The following ATRNL1 variants were observed in gnomAD, a reference collection of about 807,000 sequenced individuals.
ATRNL1 encodes attractin like 1.
ATRNL1 carries 95 observed loss-of-function variants against 182.7 expected under a neutral mutation model. That is an observed-to-expected ratio of 0.52 (90% CI 0.44 to 0.62). The LOEUF is 0.62. Among genes scored for constraint, ATRNL1 ranks in the 20% least tolerant of loss-of-function variants. The pLI, the probability that ATRNL1 is intolerant of heterozygous loss-of-function variation, is 0.00. For missense variants in ATRNL1, 1,471 were observed against 1,679.5 expected, an observed-to-expected ratio of 0.88 and a Z score of 2.17; for synonymous variants, 576 against 568.3, an observed-to-expected ratio of 1.01 and a Z score of -0.19.
intron 21 of ATRNL1, among the ~76,000 whole-genome samples, chr10:115,442,630 A>G (rs1478439919): frequency 6.6e-6 from 1 of 152,066 alleles, no homozygotes; most frequent in Non-Finnish European, 1.5e-5. Context: ...ATCATAAACT[A>G]TCTACAGAAA....
chr10:115,661,079 AT>A (rs1368665584), intron 26 of ATRNL1, among the ~76,000 whole-genome samples: 3 of 151,936 alleles, frequency 2.0e-5, no homozygotes, highest in African/African-American at 2.4e-5. Context: ...CAAAGACTAT[AT>A]TTTTTTTGTA....
At chr10:115,491,504 G>GCTCAGC (rs1251461078) in intron 24 of ATRNL1, among the ~76,000 whole-genome samples, 2 of 152,090 alleles carry the variant, frequency 1.3e-5, no homozygotes, top group Middle Eastern at 3.2e-3. Context: ...GCTGCAGTGG[G>GCTCAGC]CTCAGCTCTG....
intron 28 of ATRNL1, among the ~76,000 whole-genome samples, chr10:115,935,507 C>G (rs782079683): frequency 6.6e-6 from 1 of 152,112 alleles, no homozygotes. Context: ...ACATTTGCAC[C>G]AAAGTAGCGG....
At chr10:115,807,402 A>G (rs1555085900) in intron 27 of ATRNL1, among the ~76,000 whole-genome samples, 3 of 152,132 alleles carry the variant, frequency 2.0e-5, no homozygotes. Flanking sequence ...GGTGTGAGCA[A>G]TTTCACTTGG....
At chr10:115,630,624 G>A (rs569063926) in intron 26 of ATRNL1, among the ~76,000 whole-genome samples, 76 of 149,936 alleles carry the variant, frequency 5.1e-4, no homozygotes, top group African/African-American at 1.8e-3. Context: ...TTGATAGATG[G>A]ATAAAGAAAT....
intron 26 of ATRNL1, among the ~76,000 whole-genome samples, chr10:115,641,331 C>T (rs1276620983): frequency 6.6e-6 from 1 of 152,124 alleles, no homozygotes; most frequent in African/African-American, 2.4e-5. Flanking sequence ...CTCTTCCAGG[C>T]TGGAATATAA....
chr10:115,701,582 T>C (rs782554442), intron 26 of ATRNL1, among the ~76,000 whole-genome samples: 1 of 151,714 alleles, frequency 6.6e-6, no homozygotes, highest in Non-Finnish European at 1.5e-5. Flanking sequence ...CTGAAGAAGA[T>C]CCAAATAACC....
At chr10:115,812,049 A>G (rs2420120) in intron 27 of ATRNL1, among the ~76,000 whole-genome samples, 36,673 of 151,906 alleles carry the variant, frequency 0.24, 4,994 homozygotes, top group African/African-American at 0.37. Flanking sequence ...CTTTTTTAGT[A>G]TACAGTTCAG....
rs782617875 is a variant in ATRNL1, at chr10:115,300,255, G to A, written c.2629+8G>A. The A allele has an allele frequency of 2.1e-5, 34 of 1,606,050 alleles. No individual in the cohort carries two copies. On this transcript the variant is annotated splice_region_variant and intron_variant, in intron 16 of 28. Transcript: ENST00000355044. ...TCTGTGAAAAACCTGTTGGTAAGTA[G>A]TCCAGTAAATTAGCATTCCTTTAAA...
intron 17 of ATRNL1, among the ~76,000 whole-genome samples, chr10:115,314,339 G>T (rs1415484315): frequency 6.6e-6 from 1 of 152,128 alleles, no homozygotes; most frequent in Non-Finnish European, 1.5e-5. Context: ...TCTGTGCAGA[G>T]TCAACGATAT....
At chr10:115,164,365 T>C (rs1846939882) in intron 6 of ATRNL1, among the ~76,000 whole-genome samples, 2 of 152,162 alleles carry the variant, frequency 1.3e-5, no homozygotes, top group Admixed American at 1.3e-4. Flanking sequence ...ATTTATATAA[T>C]GCTAAGATAA....
intron 20 of ATRNL1, among the ~76,000 whole-genome samples, chr10:115,423,690 T>C (rs879951973): frequency 2.0e-5 from 3 of 152,168 alleles, no homozygotes; most frequent in Non-Finnish European, 4.4e-5. Flanking sequence ...GATAATATTT[T>C]CTTTAATAAG....
chr10:115,461,892 A>G, intron 21 of ATRNL1, 49 bp from the exon 22 acceptor site: 1 of 1,376,968 alleles, frequency 7.3e-7, no homozygotes, highest in South Asian at 1.3e-5. Context: ...TGCTTTTTAG[A>G]CAGTTTTTAA....
intron 19 of ATRNL1, among the ~76,000 whole-genome samples, chr10:115,383,551 T>C (rs572395162): frequency 6.6e-6 from 1 of 152,090 alleles, no homozygotes; most frequent in East Asian, 1.9e-4. Flanking sequence ...TTGAATATAA[T>C]ATCAATGAAA....
intron 26 of ATRNL1, among the ~76,000 whole-genome samples, chr10:115,616,375 C>T (rs1555020765): frequency 6.6e-6 from 1 of 152,096 alleles, no homozygotes; most frequent in Admixed American, 6.5e-5. Context: ...ACAAAGAAAG[C>T]AGGGCATACA....
At chr10:115,228,468 A>G (rs1459035749) in intron 9 of ATRNL1, among the ~76,000 whole-genome samples, 1 of 152,194 alleles carries the variant, frequency 6.6e-6, no homozygotes, top group African/African-American at 2.4e-5. Flanking sequence ...GAGGCATCTC[A>G]TAACTTTCTT....
rs75554990 is a variant in ATRNL1, at chr10:115,417,820, G to T, written c.3270-8430G>T. On this transcript the variant is annotated intron_variant, in intron 20 of 28. Transcript: ENST00000355044. ...GCCCTGCCAACCTTGGAGCCCTCCT[G>T]AGACTTGTGGCAGATATGGGCTTAG... Among the ~76,000 whole-genome samples the T allele has an allele frequency of 1.1e-3, 171 of 152,324 alleles. 1 individual carries two copies. The East Asian group carries it at 0.03, about 27-fold the overall frequency.
intron 13 of ATRNL1, among the ~76,000 whole-genome samples, chr10:115,271,165 T>TACACACACACACACACACACAC (rs59638255): frequency 2.8e-4 from 41 of 146,018 alleles, no homozygotes; most frequent in African/African-American, 1.1e-3. Flanking sequence ...ACAAAGATAT[T>TACACACACACACACACACACAC]ACACACACAC....
chr10:115,323,610 A>C lies in ATRNL1; in HGVS notation c.3037+7874A>C, dbSNP rs181211623. 2.7e-3 allele frequency among the ~76,000 whole-genome samples: 415 copies of C among 151,198 alleles called. 3 individuals carry two copies. Among genetic ancestry groups the C allele is most frequent in the African/African-American group, 9.6e-3 (396 of 41,190 alleles). ...CAGGCATGTGCCACCACACCTGACTAATTTTGTATTTTTAGTAGAGACAGA... is the reference window on the plus strand; with the variant it reads ...CAGGCATGTGCCACCACACCTGACTCATTTTGTATTTTTAGTAGAGACAGA... On this transcript the variant is annotated intron_variant, in intron 18 of 28. Transcript: ENST00000355044.
Sources: gnomAD v4.1 joint callset for allele counts (sites outside exome capture counted in the v4.1 genomes callset) on GRCh38, gnomAD v4.1.1 for gene constraint, MANE v1.5 for transcripts, NCBI Gene and HGNC (gene_info 2026-07-23, HGNC 2026-07-21) for gene names.